Variants in MFSD12 observed in about 807,000 individuals in gnomAD.
MFSD12 encodes major facilitator superfamily domain-containing protein 12.
A neutral mutation model predicts 51.2 loss-of-function variants in MFSD12; 67 were observed. The observed-to-expected ratio is 1.31, with a 90% CI of 1.08 to 1.60. The LOEUF is 1.60. Among genes scored for constraint, MFSD12 ranks in the 40% most tolerant of loss-of-function variants. MFSD12 has a pLI of 0.00. For synonymous variants in MFSD12, 441 were observed against 316.7 expected, an observed-to-expected ratio of 1.39 and a Z score of -4.17; for missense variants, 921 against 673.0, an observed-to-expected ratio of 1.37 and a Z score of -4.08.
rs1174612122 is a variant in MFSD12 at position 3,551,246 on chromosome 19, T to C, written c.299-52A>G. The C allele has an allele frequency of 6.9e-7, 1 of 1,440,174 alleles. No homozygotes were observed. The highest frequency in any genetic ancestry group is 9.4e-7 in the Non-Finnish European group (1 of 1,064,840). 89.2% of individuals were successfully genotyped at this position (1,440,174 alleles called of 1,614,324 possible). On this transcript the variant is annotated intron_variant, in intron 1 of 9. Coordinates refer to ENST00000355415, the MANE Select transcript of MFSD12 (RefSeq NM_174983.5). The surrounding 1 kb of genome is among the most constrained non-coding windows in gnomAD (Gnocchi z 4.6). ...GGGGCTGTCCCGCACCAGCCAGGGCTCCCAGGGTGAGGACATGGAGGGAGG... is the reference window on the plus strand; with the variant it reads ...GGGGCTGTCCCGCACCAGCCAGGGCCCCCAGGGTGAGGACATGGAGGGAGG...
chr19:3,555,542 C>T (rs2031687565), intron 1 of MFSD12, among the ~76,000 whole-genome samples: 3 of 152,196 alleles, frequency 2.0e-5, no homozygotes, highest in South Asian at 4.1e-4. Flanking sequence ...CCCTGTCTGC[C>T]GCCGCCTCAG....
chr19:3,545,635 T>TACCA (rs1267819028), intron 8 of MFSD12, among the ~76,000 whole-genome samples: 9 of 152,188 alleles, frequency 5.9e-5, no homozygotes, highest in Admixed American at 5.9e-4. Context: ...CCCACGCCGG[T>TACCA]ACCAACCACA....
At chr19:3,543,022 G>A (rs745917075), downstream of MFSD12, 21 of 1,605,020 alleles carry the variant, frequency 1.3e-5, no homozygotes, top group African/African-American at 9.4e-5. Context: ...CTTGGGGTGC[G>A]ATGTGTGGGG....
intron 1 of MFSD12, among the ~76,000 whole-genome samples, chr19:3,554,904 T>G (rs2031656174): frequency 6.6e-6 from 1 of 152,312 alleles, no homozygotes; most frequent in East Asian, 1.9e-4. Context: ...CCTGGGCTTC[T>G]GCTCCCAACA....
chr19:3,539,352 C>A, downstream of MFSD12: 3 of 700,176 alleles, frequency 4.3e-6, no homozygotes, highest in Non-Finnish European at 7.3e-6. Flanking sequence ...TGGGGTCTTG[C>A]ACGTGTCACT....
At chr19:3,540,619 C>A (rs2030308336), downstream of MFSD12, among the ~76,000 whole-genome samples, 1 of 151,798 alleles carries the variant, frequency 6.6e-6, no homozygotes, top group South Asian at 2.1e-4. Context: ...GTGGCTCACG[C>A]CTGTAATTCC....
chr19:3,545,818 TCCAGCTGGGCCCAC>T (rs1485027948), intron 8 of MFSD12, among the ~76,000 whole-genome samples: 1 of 152,188 alleles, frequency 6.6e-6, no homozygotes, highest in Non-Finnish European at 1.5e-5. Flanking sequence ...GGGGCTCCCT[TCCAGCTGGGCCCAC>T]CCCCGATATA....
Position 3,544,447 on chromosome 19 carries a change from A to G in MFSD12, c.*263T>C, listed in dbSNP as rs766071083. Reference sequence around the variant, plus strand: ...GATTCCTACTTCCTGTTCCCTGCCGAGAGGGGCACCCCAAATCCTCCAGAG... The same window carrying G: ...GATTCCTACTTCCTGTTCCCTGCCGGGAGGGGCACCCCAAATCCTCCAGAG... On this transcript the variant is annotated 3_prime_UTR_variant, in exon 10 of 10. Coordinates refer to ENST00000355415, the MANE Select transcript of MFSD12 (RefSeq NM_174983.5). The G allele has an allele frequency of 3.7e-6, 5 of 1,339,536 alleles. No individual in the cohort carries two copies. Among genetic ancestry groups the G allele is most frequent in the Non-Finnish European group, 3.8e-6 (4 of 1,047,588 alleles). 83.0% of individuals were successfully genotyped at this position (1,339,536 alleles called of 1,614,324 possible).
At position 3,551,241 on chromosome 19, in the gene MFSD12, AG is replaced by A; in HGVS notation, c.299-48del. On this transcript the variant is annotated intron_variant, in intron 1 of 9. Transcript: ENST00000355415. This position sits in a 1 kb window ranked among gnomAD's most constrained non-coding sequence, Gnocchi z 4.6. The stretch of plus-strand genomic sequence containing the variant: ...GTCGCGGGGCTGTCCCGCACCAGCC[AG>A]GGCTCCCAGGGTGAGGACATGGAGG... 1 of 1,452,528 alleles carries A rather than the reference AG, an allele frequency of 6.9e-7. No homozygotes were observed. The highest frequency in any genetic ancestry group is 9.3e-7 in the Non-Finnish European group (1 of 1,074,660). The allele number at this position is 1,452,528 out of a possible 1,614,324, so 90.0% of individuals were successfully genotyped here. A position where few individuals can be genotyped will look rare whatever the true frequency, so the allele number is the denominator to read the frequency against.
downstream of MFSD12, chr19:3,543,716 A>G (rs1311175818): frequency 4.0e-6 from 6 of 1,500,318 alleles, no homozygotes; most frequent in Non-Finnish European, 5.4e-6. Context: ...TTGGGAGGCC[A>G]GGGGGACAAG....
At chr19:3,541,871 C>T (rs2030446482), downstream of MFSD12, 2 of 884,170 alleles carry the variant, frequency 2.3e-6, no homozygotes, top group Non-Finnish European at 2.7e-6. Flanking sequence ...TGCAGTGACG[C>T]AATCTCGGCT....
chr19:3,545,024 C>G lies in MFSD12; in HGVS notation c.1290-85G>C, dbSNP rs10424065. The G allele has an allele frequency of 1.7e-5, 25 of 1,490,492 alleles. No individual in the cohort carries two copies. In the South Asian group the frequency reaches 3.2e-4, roughly 19 times the overall value. The allele number at this position is 1,490,492 out of a possible 1,614,324, so 92.3% of individuals were successfully genotyped here. A position where few individuals can be genotyped will look rare whatever the true frequency, so the allele number is the denominator to read the frequency against. Reference sequence around the variant, plus strand: ...CTGAACCTGTGCCTCCCCTCACCCCCGACAGCGGCTCCGTCCTGTCCAATC... The same window carrying G: ...CTGAACCTGTGCCTCCCCTCACCCCGGACAGCGGCTCCGTCCTGTCCAATC... On this transcript the variant is annotated intron_variant, in intron 8 of 9. Coordinates refer to ENST00000355415, the MANE Select transcript of MFSD12 (RefSeq NM_174983.5).
Position 3,544,576 on chromosome 19 carries a change from G to T in MFSD12, c.*134C>A. On this transcript the variant is annotated 3_prime_UTR_variant, in exon 10 of 10. Transcript: ENST00000355415. ...GCTGCCCTCACCCGACCCCACCCCCGGGAGCTGGGTGAGGATGGAGGGTGG... is the reference window on the plus strand; with the variant it reads ...GCTGCCCTCACCCGACCCCACCCCCTGGAGCTGGGTGAGGATGGAGGGTGG... 1 of 1,459,552 alleles carries T rather than the reference G, an allele frequency of 6.9e-7. No homozygotes were observed. The highest frequency in any genetic ancestry group is 1.4e-5 in the South Asian group (1 of 69,712). 90.4% of individuals were successfully genotyped at this position (1,459,552 alleles called of 1,614,324 possible).
At position 3,547,427 on chromosome 19, in the gene MFSD12, C is replaced by T; in HGVS notation, c.930+28G>A. The T allele has an allele frequency of 3.7e-6, 6 of 1,611,710 alleles. 1 individual carries two copies. The highest frequency in any genetic ancestry group is 5.1e-6 in the Non-Finnish European group (6 of 1,178,946). On this transcript the variant is annotated intron_variant, in intron 5 of 9. Coordinates refer to ENST00000355415, the MANE Select transcript of MFSD12 (RefSeq NM_174983.5). Reference sequence around the variant, plus strand: ...GCTCGCCAGGCTGGGGCCGTCCCATCCCAGCGTCCCCGCCCCAATCTGCTC... The same window carrying T: ...GCTCGCCAGGCTGGGGCCGTCCCATTCCAGCGTCCCCGCCCCAATCTGCTC...
At chr19:3,539,292 A>AGCCC, downstream of MFSD12, 1 of 1,062,534 alleles carries the variant, frequency 9.4e-7, no homozygotes, top group African/African-American at 2.3e-5. Flanking sequence ...AGCCCCTCCC[A>AGCCC]GCCCCTCCCT....
chr19:3,538,938 C>T, intron 4 of MFSD12: 1 of 651,180 alleles, frequency 1.5e-6, no homozygotes, highest in Admixed American at 2.2e-5. Context: ...GTGCATAGAG[C>T]TGGGGGCTCA....
At chr19:3,555,012 C>T (rs756777299) in intron 1 of MFSD12, among the ~76,000 whole-genome samples, 1 of 152,224 alleles carries the variant, frequency 6.6e-6, no homozygotes, top group African/African-American at 2.4e-5. Context: ...TGACGGTGGA[C>T]GCCTTGGTGT....
At chr19:3,538,980 G>C in intron 4 of MFSD12, 3 of 632,210 alleles carry the variant, frequency 4.7e-6, no homozygotes, top group Non-Finnish European at 8.6e-6. Context: ...AGTGGCCCTG[G>C]CCTTGCCCAC....
chr19:3,544,974 G>C (rs190340400), intron 8 of MFSD12, 35 bp from the exon 9 acceptor site: 1 of 1,569,466 alleles, frequency 6.4e-7, no homozygotes, highest in Admixed American at 1.8e-5. Context: ...TAGGCACCGC[G>C]GGTACCACCC....
Sources: allele counts gnomAD v4.1 joint callset (sites outside exome capture counted in the v4.1 genomes callset), GRCh38; gene constraint gnomAD v4.1.1; non-coding constraint Gnocchi (gnomAD v3.1); transcripts MANE v1.5; gene names NCBI Gene and HGNC (gene_info 2026-07-23, HGNC 2026-07-21).